The following ALX4 variants were observed in gnomAD, a reference collection of about 807,000 sequenced individuals.
ALX4 encodes the protein ALX homeobox 4.
Under a neutral mutation model 40.6 loss-of-function variants are expected in ALX4, and 22 were observed. The observed-to-expected ratio is 0.54, with a 90% CI of 0.39 to 0.77. The LOEUF (loss-of-function observed/expected upper bound fraction) is 0.77. Ranked by LOEUF, ALX4 falls within the 30% of genes least tolerant of loss-of-function variation. The probability of loss-of-function intolerance (pLI) is 0.00; values close to 1 mark genes in which losing one functional copy is unlikely to be tolerated. For synonymous variants in ALX4, 266 were observed against 240.5 expected, an observed-to-expected ratio of 1.11 and a Z score of -0.98; for missense variants, 556 against 564.8, an observed-to-expected ratio of 0.98 and a Z score of 0.16.
At chr11:44,294,828 C>CTATT (rs60988016) in intron 1 of ALX4, among the ~76,000 whole-genome samples, 2,910 of 148,308 alleles carry the variant, frequency 0.02, 64 homozygotes, top group East Asian at 0.12. Flanking sequence ...AGATCCTTAC[C>CTATT]TATTTATTTA....
chr11:44,285,870 G>A (rs144919545), intron 1 of ALX4, among the ~76,000 whole-genome samples: 3,259 of 152,238 alleles, frequency 0.021, 77 homozygotes, highest in Non-Finnish European at 0.029. Flanking sequence ...TCCCTCCCTA[G>A]ACTGTGAGCT....
chr11:44,264,591 A>T lies in ALX4; in HGVS notation c.*263T>A. On this transcript the variant is annotated 3_prime_UTR_variant, in exon 4 of 4. Transcript: ENST00000652299. ...CTTATCATGGATGCGAAGCTGAAAA[A>T]CGTGGCCACCTGGCTTTCTCCACTG... The T allele has an allele frequency of 5.3e-6, 3 of 565,838 alleles. No individual in the cohort carries two copies. The highest frequency in any genetic ancestry group is 9.5e-6 in the Non-Finnish European group (3 of 317,008). 35.1% of individuals were successfully genotyped at this position (565,838 alleles called of 1,614,324 possible).
intron 2 of ALX4, among the ~76,000 whole-genome samples, chr11:44,270,370 A>G (rs1214626997): frequency 6.6e-6 from 1 of 151,802 alleles, no homozygotes; most frequent in African/African-American, 2.4e-5. Context: ...CGGTGGGAGC[A>G]GGGCTGCCCA....
At chr11:44,296,173 G>A (rs1590701545) in intron 1 of ALX4, among the ~76,000 whole-genome samples, 1 of 152,294 alleles carries the variant, frequency 6.6e-6, no homozygotes, top group East Asian at 1.9e-4. Flanking sequence ...ATGCGCAATT[G>A]ATTTTCAACA....
chr11:44,266,047 C>T (rs556521512), intron 3 of ALX4, among the ~76,000 whole-genome samples: 2 of 152,176 alleles, frequency 1.3e-5, no homozygotes, highest in South Asian at 2.1e-4. Context: ...TGCTGGCCTG[C>T]CCTCCTGCAT....
Position 44,309,772 on chromosome 11 carries a change from C to A in ALX4, c.291G>T (p.Pro97=). 1.3e-6 allele frequency: 2 copies of A among 1,545,902 alleles called. No homozygotes were observed. The highest frequency in any genetic ancestry group is 2.4e-5 in the South Asian group (2 of 84,092). ...FNKFQPQPST[P]QPQPPPQPQP... ...GCGGCTGCGGCGGCGGCTGGGGCTGCGGGGTCGACGGCTGGGGCTGGAACT... is the reference window on the plus strand; with the variant it reads ...GCGGCTGCGGCGGCGGCTGGGGCTGAGGGGTCGACGGCTGGGGCTGGAACT... The change falls in exon 1 of 4, where the codon CCG becomes CCT. Residue 97 remains proline, a synonymous_variant. Transcript: ENST00000652299.
At chr11:44,303,537 G>C (rs1400557846) in intron 1 of ALX4, among the ~76,000 whole-genome samples, 2 of 152,154 alleles carry the variant, frequency 1.3e-5, no homozygotes, top group Non-Finnish European at 2.9e-5. Flanking sequence ...ACCGGTCCGC[G>C]GCCCTGAGTA....
chr11:44,306,544 T>C (rs1439340763), intron 1 of ALX4, among the ~76,000 whole-genome samples: 1 of 152,214 alleles, frequency 6.6e-6, no homozygotes, highest in Non-Finnish European at 1.5e-5. Context: ...CGCCCCGACC[T>C]CCAGGGCTAG....
In ALX4 at chr11:44,261,133, C is replaced by T. The variant is rs2135302228; in HGVS notation, c.*3721G>A. 2 of 152,290 alleles carry T rather than the reference C, an allele frequency of 1.3e-5. No individual in the cohort carries two copies. Among genetic ancestry groups the T allele is most frequent in the South Asian group, 4.1e-4 (2 of 4,828 alleles). The allele number at this position is 152,290 out of a possible 1,614,324, so 9.4% of individuals were successfully genotyped here. On this transcript the variant is annotated 3_prime_UTR_variant, in exon 4 of 4. Coordinates refer to ENST00000652299, the MANE Select transcript of ALX4 (RefSeq NM_021926.4). ...AGTCACAGAGTATTATCCTGGGGGC[C>T]AGTTTACCAACCATCCTCCCCCAGC...
At chr11:44,279,463 C>T (rs1236861152) in intron 1 of ALX4, among the ~76,000 whole-genome samples, 2 of 152,188 alleles carry the variant, frequency 1.3e-5, no homozygotes, top group African/African-American at 2.4e-5. Context: ...GGGAGATGAC[C>T]CCGGGCTGGC....
intron 1 of ALX4, among the ~76,000 whole-genome samples, chr11:44,305,923 C>T (rs1251228076): frequency 2.0e-5 from 3 of 152,244 alleles, no homozygotes; most frequent in Non-Finnish European, 4.4e-5. Context: ...AGGACCAGTA[C>T]GCGCCGGCTG....
chr11:44,290,784 T>C (rs1254701141), intron 1 of ALX4, among the ~76,000 whole-genome samples: 3 of 152,230 alleles, frequency 2.0e-5, no homozygotes, highest in Non-Finnish European at 4.4e-5. Flanking sequence ...TGTGCTTCAG[T>C]TTCCTCATCT....
chr11:44,288,341 A>G (rs979313760), intron 1 of ALX4, among the ~76,000 whole-genome samples: 2 of 152,236 alleles, frequency 1.3e-5, no homozygotes, highest in Non-Finnish European at 2.9e-5. Context: ...TTGGGGAGTC[A>G]GCATAAAAGG....
At chr11:44,300,463 C>T (rs185913882) in intron 1 of ALX4, among the ~76,000 whole-genome samples, 118 of 152,272 alleles carry the variant, frequency 7.7e-4, no homozygotes, top group African/African-American at 2.6e-3. Flanking sequence ...ATAGAGACAT[C>T]GGGGAGGCTC....
chr11:44,309,149 T>TGCTGTCCCGCAGCCCCGCAGCCCC (rs71035684), intron 1 of ALX4, among the ~76,000 whole-genome samples: 10,081 of 68,338 alleles, frequency 0.15, 1,934 homozygotes, highest in South Asian at 0.39. Flanking sequence ...TCTGCAGTCC[T>TGCTGTCCCGCAGCCCCGCAGCCCC]GCTGTCCCGC....
intron 1 of ALX4, among the ~76,000 whole-genome samples, chr11:44,306,584 T>C (rs998026618): frequency 9.2e-5 from 14 of 152,382 alleles, no homozygotes; most frequent in Admixed American, 9.1e-4. Context: ...GCTGCCTGCC[T>C]GAAGACGGAG....
At position 44,293,351 on chromosome 11, in the gene ALX4, G is replaced by T. The variant is rs545603642; in HGVS notation, c.466+16246C>A. Among the ~76,000 whole-genome samples the T allele has an allele frequency of 7.9e-5, 12 of 152,160 alleles. No homozygotes were observed. In the South Asian group the frequency reaches 1.9e-3, roughly 24 times the overall value. On this transcript the variant is annotated intron_variant, in intron 1 of 3. Transcript: ENST00000652299. The stretch of plus-strand genomic sequence containing the variant: ...CCCAGCACTTTGGGAGGCTGAGGTG[G>T]GCGGATCACCTGAGGTCAGGAGTTC...
At chr11:44,304,500 C>A (rs191073673) in intron 1 of ALX4, among the ~76,000 whole-genome samples, 2 of 152,276 alleles carry the variant, frequency 1.3e-5, no homozygotes, top group African/African-American at 2.4e-5. Context: ...GCGCGCCCCC[C>A]CCATGAATCA....
At chr11:44,285,245 G>A (rs971838967) in intron 1 of ALX4, among the ~76,000 whole-genome samples, 7 of 152,230 alleles carry the variant, frequency 4.6e-5, no homozygotes, top group Non-Finnish European at 8.8e-5. Flanking sequence ...GATTACAGGC[G>A]TGAGCCACCG....
Sources: gnomAD v4.1 joint callset for allele counts (sites outside exome capture counted in the v4.1 genomes callset) on GRCh38, gnomAD v4.1.1 for gene constraint, MANE v1.5 for transcripts, NCBI Gene and HGNC (gene_info 2026-07-23, HGNC 2026-07-21) for gene names.